Variants in CNTNAP2 observed in about 807,000 individuals in gnomAD.
CNTNAP2 encodes contactin-associated protein-like 2.
A neutral mutation model predicts 155.2 loss-of-function variants in CNTNAP2; 98 were observed. The ratio of observed to expected loss-of-function variants is 0.63; its 90% CI spans 0.54 to 0.75. The LOEUF (loss-of-function observed/expected upper bound fraction) is 0.75. Ranked by LOEUF, CNTNAP2 falls within the 30% of genes least tolerant of loss-of-function variation. The pLI is 0.00. For missense variants in CNTNAP2, 1,727 were observed against 1,688.1 expected (o/e 1.02, Z -0.40); for synonymous variants, 651 against 631.2 (o/e 1.03, Z -0.47).
intron 3 of CNTNAP2, among the ~76,000 whole-genome samples, chr7:146,978,501 G>T (rs1349882890): frequency 6.6e-6 from 1 of 151,990 alleles, no homozygotes; most frequent in African/African-American, 2.4e-5. Context: ...AATATCTAAG[G>T]CACTGTGAGT....
chr7:146,921,019 AT>A (rs919975782), intron 3 of CNTNAP2, among the ~76,000 whole-genome samples: 8 of 152,338 alleles, frequency 5.3e-5, no homozygotes, highest in Admixed American at 1.3e-4. Flanking sequence ...AAAAATGGAC[AT>A]TCCACTGAAG....
intron 1 of CNTNAP2, among the ~76,000 whole-genome samples, chr7:146,609,569 T>C (rs77288761): frequency 6.6e-6 from 1 of 152,330 alleles, no homozygotes; most frequent in Non-Finnish European, 1.5e-5. Context: ...TTTGAAGGTC[T>C]TGGTACATGA....
At chr7:148,195,228 T>C (rs1795257974) in intron 18 of CNTNAP2, among the ~76,000 whole-genome samples, 1 of 152,218 alleles carries the variant, frequency 6.6e-6, no homozygotes, top group Non-Finnish European at 1.5e-5. Context: ...CATTATGTAT[T>C]GTCAGTCTCC....
chr7:147,312,994 G>T (rs1473291519), intron 9 of CNTNAP2, among the ~76,000 whole-genome samples: 2 of 139,606 alleles, frequency 1.4e-5, no homozygotes, highest in Non-Finnish European at 3.0e-5. Flanking sequence ...GTTTTGATTT[G>T]CATTTCTCTG....
Position 147,639,110 on chromosome 7 carries a change from C to A in CNTNAP2, c.1902C>A (p.Asp634Glu). 6.2e-7 allele frequency: 1 copy of A among 1,614,072 alleles called. No homozygotes were observed. Among genetic ancestry groups the A allele is most frequent in the Non-Finnish European group, 8.5e-7 (1 of 1,179,988 alleles). ...TGGTTGTTTTTCTCCCCACAGAGGA[C>A]AAAGTGTGGACCATAGTGTCTCATG... is the stretch of plus-strand genomic sequence containing the variant. ...PLKVYCNMTE[D>E]KVWTIVSHDL... is the part of the protein sequence containing the mutation. Residue 634 changes from aspartate to glutamate, a missense_variant, in exon 13 of 24, where the codon GAC (aspartate) becomes GAA (glutamate). By Grantham distance (45) the Asp-to-Glu change is conservative. Transcript: ENST00000361727.
In CNTNAP2 at chr7:146,937,357, AAAAAAT is replaced by A. The variant is rs772760130; in HGVS notation, c.402+97464_402+97469del. Among the ~76,000 whole-genome samples the A allele has an allele frequency of 3.3e-3, 452 of 135,996 alleles. 2 individuals are homozygous for A. Among genetic ancestry groups the A allele is most frequent in the Non-Finnish European group, 5.6e-3 (343 of 61,004 alleles). 89.2% of individuals were successfully genotyped at this position (135,996 alleles called of 152,430 possible). A position where few individuals can be genotyped will look rare whatever the true frequency, so the allele number is the denominator to read the frequency against. On this transcript the variant is annotated intron_variant, in intron 3 of 23. Coordinates refer to ENST00000361727, the MANE Select transcript of CNTNAP2 (RefSeq NM_014141.6). ...CAGGGTGAGACTCTTGTCTCAAAAA[AAAAAAT>A]AAAAATAAAATAAAATAAAATAAAT...
At chr7:147,978,749 A>G (rs1801474245) in intron 15 of CNTNAP2, among the ~76,000 whole-genome samples, 1 of 152,114 alleles carries the variant, frequency 6.6e-6, no homozygotes. Flanking sequence ...TCTTTCTGGG[A>G]CACGTGGTTT....
intron 2 of CNTNAP2, among the ~76,000 whole-genome samples, chr7:146,805,451 A>G (rs2129192483): frequency 1.3e-5 from 2 of 152,286 alleles, no homozygotes; most frequent in South Asian, 4.1e-4. Flanking sequence ...TAATTTGCTT[A>G]TTTATTAAAT....
intron 2 of CNTNAP2, among the ~76,000 whole-genome samples, chr7:146,783,415 G>A (rs867927916): frequency 1.1e-4 from 17 of 152,068 alleles, no homozygotes; most frequent in African/African-American, 3.4e-4. Context: ...GAATTTTAAT[G>A]TATTCTTTTT....
At chr7:147,205,806 A>C (rs1803013882) in intron 8 of CNTNAP2, among the ~76,000 whole-genome samples, 2 of 152,148 alleles carry the variant, frequency 1.3e-5, no homozygotes, top group South Asian at 4.1e-4. Flanking sequence ...AGTTAGAAGG[A>C]ATAAAAACTA....
intron 15 of CNTNAP2, among the ~76,000 whole-genome samples, chr7:148,049,129 C>A (rs1203515136): frequency 1.3e-5 from 2 of 152,134 alleles, no homozygotes; most frequent in African/African-American, 4.8e-5. Flanking sequence ...GCAGAAGAAT[C>A]ACTTGAACCC....
chr7:148,061,928 GAT>G (rs200816063), intron 15 of CNTNAP2, among the ~76,000 whole-genome samples: 1 of 95,564 alleles, frequency 1.0e-5, no homozygotes, highest in African/African-American at 4.2e-5. Flanking sequence ...GATATAGATA[GAT>G]AGATAGATAG....
At chr7:146,281,775 C>A (rs1271961529) in intron 1 of CNTNAP2, among the ~76,000 whole-genome samples, 3 of 150,482 alleles carry the variant, frequency 2.0e-5, no homozygotes, top group Non-Finnish European at 3.0e-5. Context: ...AGCCTGGCAA[C>A]CAAGTGAGAT....
intron 1 of CNTNAP2, among the ~76,000 whole-genome samples, chr7:146,692,915 A>G (rs929736913): frequency 2.0e-5 from 3 of 152,238 alleles, no homozygotes; most frequent in Admixed American, 2.0e-4. Context: ...GTCAGCCACC[A>G]TGGTATGAAA....
intron 3 of CNTNAP2, among the ~76,000 whole-genome samples, chr7:146,973,320 G>A (rs935160030): frequency 2.0e-5 from 3 of 152,128 alleles, no homozygotes; most frequent in Admixed American, 6.5e-5. Context: ...GAGCCACCGC[G>A]CCTGGCCCAC....
intron 13 of CNTNAP2, among the ~76,000 whole-genome samples, chr7:147,758,703 G>A (rs1049540985): frequency 2.0e-5 from 3 of 152,028 alleles, no homozygotes; most frequent in African/African-American, 7.3e-5. Context: ...AAATTAGCTG[G>A]GCATGGTGGT....
intron 14 of CNTNAP2, among the ~76,000 whole-genome samples, chr7:147,916,367 A>G (rs1175203193): frequency 6.6e-6 from 1 of 152,170 alleles, no homozygotes; most frequent in East Asian, 1.9e-4. Context: ...ACCGGAGAAG[A>G]TGTCAGCAGA....
intron 3 of CNTNAP2, among the ~76,000 whole-genome samples, chr7:146,987,040 A>T (rs1798125811): frequency 6.6e-6 from 1 of 152,168 alleles, no homozygotes; most frequent in African/African-American, 2.4e-5. Context: ...GTCAGGTCTA[A>T]TATTTGTTAA....
chr7:146,571,295 A>C (rs973281432), intron 1 of CNTNAP2, among the ~76,000 whole-genome samples: 9 of 152,138 alleles, frequency 5.9e-5, no homozygotes, highest in African/African-American at 9.7e-5. Context: ...CTGCTCAGAT[A>C]CAGGGAACAT....
Sources: allele counts gnomAD v4.1 joint callset (sites outside exome capture counted in the v4.1 genomes callset), GRCh38; gene constraint gnomAD v4.1.1; transcripts MANE v1.5; gene names NCBI Gene and HGNC (gene_info 2026-07-23, HGNC 2026-07-21).